The following CACNB4 variants were observed in gnomAD, a reference collection of about 807,000 sequenced individuals.
The protein encoded by CACNB4 is calcium voltage-gated channel auxiliary subunit beta 4.
Under a neutral mutation model 71.2 loss-of-function variants are expected in CACNB4, and 32 were observed. That is an observed-to-expected ratio of 0.45 (90% CI 0.34 to 0.60). The LOEUF (loss-of-function observed/expected upper bound fraction) is 0.60, where lower values mean the gene tolerates loss of function less well. Ranked by LOEUF, CACNB4 falls within the 20% of genes least tolerant of loss-of-function variation. CACNB4 has a pLI of 0.01. For synonymous variants in CACNB4, 231 were observed against 236.9 expected (o/e 0.97, Z 0.23); for missense variants, 464 against 647.9 (o/e 0.72, Z 3.08).
At chr2:152,015,321 C>T (rs1372864333) in intron 2 of CACNB4, among the ~76,000 whole-genome samples, 2 of 151,960 alleles carry the variant, frequency 1.3e-5, no homozygotes, top group Non-Finnish European at 2.9e-5. Flanking sequence ...TTAGTAGAGA[C>T]GGGGTTTCAC....
intron 2 of CACNB4, among the ~76,000 whole-genome samples, chr2:151,928,345 T>C (rs765802738): frequency 2.0e-5 from 3 of 152,186 alleles, no homozygotes; most frequent in Non-Finnish European, 2.9e-5. Context: ...GAATACTAAA[T>C]AGAAGTGTCT....
chr2:151,952,691 T>C (rs2099867221), intron 2 of CACNB4, among the ~76,000 whole-genome samples: 1 of 152,160 alleles, frequency 6.6e-6, no homozygotes, highest in African/African-American at 2.4e-5. Flanking sequence ...CAGGAGCGAA[T>C]GCACCAGAAG....
At chr2:152,055,759 T>C (rs1685689820) in intron 2 of CACNB4, among the ~76,000 whole-genome samples, 2 of 152,224 alleles carry the variant, frequency 1.3e-5, no homozygotes, top group South Asian at 2.1e-4. Flanking sequence ...TAAGAAGCTA[T>C]TGCCAAGACA....
chr2:151,957,257 C>CGTGTGTGTGTGTGTGTGTGT (rs1553791572), intron 2 of CACNB4, among the ~76,000 whole-genome samples: 16 of 131,788 alleles, frequency 1.2e-4, no homozygotes, highest in South Asian at 2.5e-4. Flanking sequence ...AGTGGCTGGG[C>CGTGTGTGTGTGTGTGTGTGT]GTGTGTGTGT....
chr2:151,863,762 A>G (rs774491479), intron 9 of CACNB4, among the ~76,000 whole-genome samples: 16 of 152,230 alleles, frequency 1.1e-4, no homozygotes, highest in Non-Finnish European at 1.6e-4. Flanking sequence ...ATGTGTTCCA[A>G]TACAGGGAAA....
chr2:151,969,363 T>C (rs908329665), intron 2 of CACNB4: 2 of 152,194 alleles, frequency 1.3e-5, no homozygotes, highest in African/African-American at 4.8e-5. Context: ...CCTAAACATA[T>C]AAATCCTTCT....
At chr2:151,895,972 G>A (rs2099851947) in intron 2 of CACNB4, among the ~76,000 whole-genome samples, 1 of 151,802 alleles carries the variant, frequency 6.6e-6, no homozygotes, top group Non-Finnish European at 1.5e-5. Flanking sequence ...AGCCTCCCCA[G>A]TAGTTGGAAT....
chr2:151,949,179 GT>G (rs1366444575), intron 2 of CACNB4, among the ~76,000 whole-genome samples: 2 of 147,670 alleles, frequency 1.4e-5, no homozygotes, highest in African/African-American at 2.5e-5. Flanking sequence ...TTTCAAATAG[GT>G]ATCAAAATAA....
chr2:151,970,411 G>T (rs755585413), intron 2 of CACNB4: 2 of 151,966 alleles, frequency 1.3e-5, no homozygotes, highest in African/African-American at 4.8e-5. Context: ...AACATCCCTC[G>T]GTTTGTGTAA....
chr2:151,923,163 C>A (rs1405651701), intron 2 of CACNB4, among the ~76,000 whole-genome samples: 1 of 152,216 alleles, frequency 6.6e-6, no homozygotes, highest in Non-Finnish European at 1.5e-5. Context: ...CAACTATGCT[C>A]AACCAAACAA....
At chr2:152,052,099 A>T (rs1274299691) in intron 2 of CACNB4, among the ~76,000 whole-genome samples, 2 of 138,436 alleles carry the variant, frequency 1.4e-5, no homozygotes, top group Non-Finnish European at 2.9e-5. Context: ...AAAATACCAT[A>T]AATTGAAATT....
At chr2:151,954,247 G>A (rs1045167426) in intron 2 of CACNB4, among the ~76,000 whole-genome samples, 2 of 152,200 alleles carry the variant, frequency 1.3e-5, no homozygotes, top group East Asian at 1.9e-4. Flanking sequence ...AAAGGAGACC[G>A]TCCTATTCCT....
chr2:152,063,197 G>C (rs1686114743), intron 2 of CACNB4, among the ~76,000 whole-genome samples: 1 of 152,108 alleles, frequency 6.6e-6, no homozygotes, highest in African/African-American at 2.4e-5. Context: ...TGTAAATTTA[G>C]TTATTCTCAA....
At chr2:151,866,911 C>A (rs1034377834) in intron 9 of CACNB4, 4 of 150,442 alleles carry the variant, frequency 2.7e-5, no homozygotes, top group Non-Finnish European at 4.4e-5. Flanking sequence ...CTATTAAAAC[C>A]AACTTCAGTA....
intron 2 of CACNB4, among the ~76,000 whole-genome samples, chr2:152,056,211 A>T (rs551871467): frequency 3.3e-5 from 5 of 151,922 alleles, no homozygotes; most frequent in Non-Finnish European, 5.9e-5. Flanking sequence ...AAATACAAAA[A>T]ATTAGCCAGG....
intron 2 of CACNB4, among the ~76,000 whole-genome samples, chr2:152,034,409 A>G (rs1684449013): frequency 6.6e-6 from 1 of 152,162 alleles, no homozygotes; most frequent in Admixed American, 6.5e-5. Flanking sequence ...AAGGGTGATA[A>G]CAAGGAAGGG....
At chr2:152,076,805 G>A (rs1319816873) in intron 2 of CACNB4, among the ~76,000 whole-genome samples, 2 of 152,176 alleles carry the variant, frequency 1.3e-5, no homozygotes, top group East Asian at 3.8e-4. Flanking sequence ...TGCCTATTCT[G>A]TCAACCTGGA....
intron 2 of CACNB4, among the ~76,000 whole-genome samples, chr2:151,887,242 C>T (rs2099849592): frequency 6.6e-6 from 1 of 152,100 alleles, no homozygotes; most frequent in East Asian, 1.9e-4. Flanking sequence ...GAGCGAGCTA[C>T]CCAATTTATC....
rs1006760700 is a variant in CACNB4, at chr2:151,966,231, A to G, written c.148-82861T>C. ...CCATGGTCACTGTTAAGAAGTGGCA[A>G]AGACCAAGATTCCCAACTCCCAGCG... On this transcript the variant is annotated intron_variant, in intron 2 of 13. Transcript: ENST00000539935. Among the ~76,000 whole-genome samples the G allele has an allele frequency of 2.3e-4, 35 of 152,122 alleles. 1 individual carries two copies. The highest frequency in any genetic ancestry group is 5.1e-4 in the Non-Finnish European group (35 of 68,010).
Sources: allele counts gnomAD v4.1 joint callset (sites outside exome capture counted in the v4.1 genomes callset), GRCh38; gene constraint gnomAD v4.1.1; transcripts MANE v1.5; gene names NCBI Gene and HGNC (gene_info 2026-07-23, HGNC 2026-07-21).